Variants in DCC observed in about 807,000 individuals in gnomAD.
DCC encodes netrin receptor DCC.
Under a neutral mutation model 172.5 loss-of-function variants are expected in DCC, and 58 were observed. The ratio of observed to expected loss-of-function variants is 0.34; its 90% CI spans 0.27 to 0.42. The LOEUF is 0.42. Ranked by LOEUF, DCC falls within the 10% of genes least tolerant of loss-of-function variation. The probability of loss-of-function intolerance (pLI) is 1.00; values close to 1 mark genes in which losing one functional copy is unlikely to be tolerated. For synonymous variants in DCC, 709 were observed against 644.5 expected, an observed-to-expected ratio of 1.10 and a Z score of -1.52; for missense variants, 1,740 against 1,791.0, an observed-to-expected ratio of 0.97 and a Z score of 0.51.
At chr18:52,395,382 G>C (rs1480463563) in intron 1 of DCC, among the ~76,000 whole-genome samples, 1 of 152,012 alleles carries the variant, frequency 6.6e-6, no homozygotes, top group African/African-American at 2.4e-5. Context: ...TCTGTTTGCG[G>C]TATTGCTCGG....
intron 15 of DCC, among the ~76,000 whole-genome samples, chr18:53,369,520 T>C (rs1159721107): frequency 4.6e-5 from 7 of 152,052 alleles, no homozygotes; most frequent in African/African-American, 1.4e-4. Flanking sequence ...CAAGTACTAT[T>C]AGAGTAGAAG....
chr18:52,607,224 C>G (rs1671312260), intron 1 of DCC, among the ~76,000 whole-genome samples: 1 of 152,090 alleles, frequency 6.6e-6, no homozygotes, highest in African/African-American at 2.4e-5. Flanking sequence ...GAGATGACCA[C>G]TCTGAGCTAC....
chr18:53,204,936 T>C (rs548992497), intron 9 of DCC, among the ~76,000 whole-genome samples: 1 of 152,198 alleles, frequency 6.6e-6, no homozygotes, highest in East Asian at 1.9e-4. Flanking sequence ...TCCCACTCTT[T>C]GCTGCCATTA....
At chr18:52,973,840 T>C (rs967260122) in intron 5 of DCC, among the ~76,000 whole-genome samples, 1 of 152,204 alleles carries the variant, frequency 6.6e-6, no homozygotes, top group Admixed American at 6.5e-5. Context: ...GGAGGCTTAT[T>C]TATCTTTCAT....
chr18:52,840,948 G>GGT (rs2038794903), intron 2 of DCC, among the ~76,000 whole-genome samples: 1 of 120,030 alleles, frequency 8.3e-6, no homozygotes, highest in Non-Finnish European at 1.8e-5. Flanking sequence ...CCTTCTGAAA[G>GGT]GTTAGATGCT....
At chr18:53,525,150 A>T (rs1008851190) in intron 27 of DCC, among the ~76,000 whole-genome samples, 4 of 152,078 alleles carry the variant, frequency 2.6e-5, no homozygotes, top group African/African-American at 9.7e-5. Context: ...CCTATTTTGC[A>T]GATGAAAAAC....
chr18:52,763,796 C>T (rs1216289600), intron 2 of DCC, among the ~76,000 whole-genome samples: 2 of 152,158 alleles, frequency 1.3e-5, no homozygotes, highest in Non-Finnish European at 2.9e-5. Flanking sequence ...CCTGTCTTTG[C>T]TATTTAACAT....
chr18:53,426,776 C>G (rs187839104), intron 21 of DCC, among the ~76,000 whole-genome samples: 17 of 152,200 alleles, frequency 1.1e-4, no homozygotes, highest in Non-Finnish European at 1.8e-4. Context: ...TGTGAATCTA[C>G]TTAATGCATT....
At chr18:53,047,264 A>T (rs542895265) in intron 5 of DCC, among the ~76,000 whole-genome samples, 48 of 16,886 alleles carry the variant, frequency 2.8e-3, no homozygotes, top group Middle Eastern at 0.026. Flanking sequence ...ATATATATAT[A>T]TATATATATA....
At chr18:53,271,604 G>C (rs2056750308) in intron 12 of DCC, among the ~76,000 whole-genome samples, 1 of 152,106 alleles carries the variant, frequency 6.6e-6, no homozygotes, top group Non-Finnish European at 1.5e-5. Context: ...CTCTCCATAG[G>C]GCAGGTCATA....
chr18:53,281,762 A>ATTTTTT (rs754969859), intron 12 of DCC, among the ~76,000 whole-genome samples: 2 of 115,306 alleles, frequency 1.7e-5, no homozygotes, highest in Admixed American at 8.9e-5. Context: ...TTAATGGGGG[A>ATTTTTT]TTTTTTTTTT....
At chr18:53,234,213 G>A (rs769720120) in intron 12 of DCC, among the ~76,000 whole-genome samples, 1 of 151,790 alleles carries the variant, frequency 6.6e-6, no homozygotes, top group African/African-American at 2.4e-5. Flanking sequence ...TCGCACCATC[G>A]CACTCCAGCC....
Position 53,131,693 on chromosome 18 carries a change from C to G in DCC, c.1262-25663C>G, listed in dbSNP as rs137959416. ...ACACTCATGATTTCAAACAAGGTTACTTTGGTAGAAAAGACAGTCAAATAA... is the reference window on the plus strand; with the variant it reads ...ACACTCATGATTTCAAACAAGGTTAGTTTGGTAGAAAAGACAGTCAAATAA... On this transcript the variant is annotated intron_variant, in intron 7 of 28. Coordinates refer to ENST00000442544, the MANE Select transcript of DCC (RefSeq NM_005215.4). Among the ~76,000 whole-genome samples, 1,105 of 152,154 alleles carry G rather than the reference C, an allele frequency of 7.3e-3. 13 individuals are homozygous for G. Among genetic ancestry groups the G allele is most frequent in the Middle Eastern group, 0.031 (9 of 294 alleles).
intron 2 of DCC, among the ~76,000 whole-genome samples, chr18:52,841,292 A>AAAAAAC (rs5824972): frequency 0.41 from 56,689 of 139,726 alleles, 11,482 homozygotes; most frequent in South Asian, 0.54. Context: ...TGCTTAAAAA[A>AAAAAAC]AAAACAACAC....
intron 26 of DCC, among the ~76,000 whole-genome samples, chr18:53,493,919 A>C (rs972357559): frequency 1.3e-5 from 2 of 152,008 alleles, no homozygotes; most frequent in Admixed American, 1.3e-4. Context: ...TTGTGATGTT[A>C]TGGTGTTGAT....
intron 12 of DCC, among the ~76,000 whole-genome samples, chr18:53,239,646 A>T (rs2056258885): frequency 6.6e-6 from 1 of 152,174 alleles, no homozygotes; most frequent in African/African-American, 2.4e-5. Flanking sequence ...TGTCAAACAA[A>T]ACCTCACTGA....
At chr18:52,655,645 G>C (rs545329057) in intron 1 of DCC, among the ~76,000 whole-genome samples, 245 of 152,068 alleles carry the variant, frequency 1.6e-3, no homozygotes, top group African/African-American at 5.8e-3. Flanking sequence ...TTTATATGCA[G>C]ATTAAATAAG....
chr18:53,161,038 A>G (rs566066053), intron 8 of DCC, among the ~76,000 whole-genome samples: 1 of 152,354 alleles, frequency 6.6e-6, no homozygotes, highest in African/African-American at 2.4e-5. Context: ...AATTACACCT[A>G]TCAGCATGTC....
At chr18:52,518,805 C>T (rs2031718481) in intron 1 of DCC, among the ~76,000 whole-genome samples, 1 of 152,126 alleles carries the variant, frequency 6.6e-6, no homozygotes, top group Admixed American at 6.5e-5. Flanking sequence ...TGACTGGACC[C>T]CTATGGTGCA....
Sources: gnomAD v4.1 joint callset for allele counts (sites outside exome capture counted in the v4.1 genomes callset) on GRCh38, gnomAD v4.1.1 for gene constraint, MANE v1.5 for transcripts, NCBI Gene and HGNC (gene_info 2026-07-23, HGNC 2026-07-21) for gene names.